Variants in ADCY7 observed in about 807,000 individuals in gnomAD.
The protein encoded by ADCY7 is adenylate cyclase type 7.
A neutral mutation model predicts 120.6 loss-of-function variants in ADCY7; 72 were observed. The observed-to-expected ratio is 0.60, with a 90% confidence interval of 0.49 to 0.73. ADCY7 has a LOEUF of 0.73. ADCY7 is among the 30% of genes least tolerant of loss of function. The pLI, the probability that ADCY7 is intolerant of heterozygous loss-of-function variation, is 0.00. For synonymous variants in ADCY7, 661 were observed against 628.0 expected (o/e 1.05, Z -0.78); for missense variants, 1,227 against 1,486.0 (o/e 0.83, Z 2.87).
intron 1 of ADCY7, among the ~76,000 whole-genome samples, chr16:50,260,860 G>A (rs2033040173): frequency 6.6e-6 from 1 of 152,178 alleles, no homozygotes; most frequent in African/African-American, 2.4e-5. Context: ...AAGCTGAGTG[G>A]AAGCTTCTGA....
chr16:50,279,966 TTAG>T (rs373940541), intron 1 of ADCY7, among the ~76,000 whole-genome samples: 2 of 152,286 alleles, frequency 1.3e-5, no homozygotes, highest in Non-Finnish European at 2.9e-5. Context: ...ATAGAATGAG[TTAG>T]GGAGGAGTCC....
chr16:50,281,832 C>A (rs996440927), intron 1 of ADCY7, among the ~76,000 whole-genome samples: 4 of 152,242 alleles, frequency 2.6e-5, no homozygotes. Context: ...CTGGGCAGAG[C>A]AGCTGCTGGC....
rs140023548 is a variant in ADCY7 at position 50,290,557 on chromosome 16, G to T, written c.272G>T (p.Arg91Leu). The T allele has an allele frequency of 6.2e-7, 1 of 1,614,182 alleles. No homozygotes were observed. Among genetic ancestry groups the T allele is most frequent in the Non-Finnish European group, 8.5e-7 (1 of 1,180,042 alleles). The change falls in exon 3 of 26, where the codon CGC becomes CTC. Residue 91 changes from arginine to leucine, a missense_variant. Arg to Leu is a moderately radical substitution (Grantham distance 102, BLOSUM62 -2). Coordinates refer to ENST00000673801, the MANE Select transcript of ADCY7 (RefSeq NM_001114.5). ...ATGTACGTCGAGTGTCTCCTGCGGCGCTGGCTCAGGGCCTTGGCGCTGCTC... is the reference window on the plus strand; with the variant it reads ...ATGTACGTCGAGTGTCTCCTGCGGCTCTGGCTCAGGGCCTTGGCGCTGCTC... ...VLMYVECLLR[R>L]WLRALALLTW...
intron 1 of ADCY7, among the ~76,000 whole-genome samples, chr16:50,275,802 C>T (rs983560891): frequency 3.9e-5 from 6 of 152,180 alleles, no homozygotes; most frequent in South Asian, 2.1e-4. Context: ...ATCCTAGCTC[C>T]ACTGTTTCCT....
intron 1 of ADCY7, among the ~76,000 whole-genome samples, chr16:50,270,428 T>C (rs1305548354): frequency 1.3e-5 from 2 of 152,098 alleles, no homozygotes; most frequent in African/African-American, 4.8e-5. Context: ...CCCAACAGCG[T>C]GTGAGATGAG....
rs4277338 is a variant in ADCY7 at position 50,282,907 on chromosome 16, C to T, written c.-268-5005C>T. 2.0e-5 allele frequency among the ~76,000 whole-genome samples: 3 copies of T among 151,904 alleles called. 1 individual carries two copies. Among genetic ancestry groups the T allele is most frequent in the South Asian group, 4.2e-4 (2 of 4,810 alleles). ...AAAAAAAATAAACAACTTTTTATAG[C>T]GATGGGGTCTCATTATATTGCCCAG... is the stretch of plus-strand genomic sequence containing the variant. On this transcript the variant is annotated intron_variant, in intron 1 of 25. Coordinates refer to ENST00000673801, the MANE Select transcript of ADCY7 (RefSeq NM_001114.5).
chr16:50,290,708 C>A, intron 3 of ADCY7, 48 bp downstream of exon 3: 1 of 1,578,878 alleles, frequency 6.3e-7, no homozygotes, highest in East Asian at 2.3e-5. Context: ...CAGCAGCTCC[C>A]ATCCCCGTGG....
chr16:50,311,813 CCCAA>C lies in ADCY7; in HGVS notation c.2448+28_2448+31del. On this transcript the variant is annotated intron_variant, in intron 20 of 25. Coordinates refer to ENST00000673801, the MANE Select transcript of ADCY7 (RefSeq NM_001114.5). ...TAAGGAGGCTGGCCCCCCCCCCCCC[CCCAA>C]GCTCTGCCCACTTTTCCTCACCTCC... 3 of 1,314,890 alleles carry C rather than the reference CCCAA, an allele frequency of 2.3e-6. No homozygotes were observed. In the South Asian group the frequency reaches 3.9e-5, roughly 17 times the overall value. 81.5% of individuals were successfully genotyped at this position (1,314,890 alleles called of 1,614,324 possible).
chr16:50,248,547 G>A (rs768146508), intron 1 of ADCY7, among the ~76,000 whole-genome samples: 3 of 152,210 alleles, frequency 2.0e-5, no homozygotes, highest in African/African-American at 2.4e-5. Context: ...GGCAGGGGCC[G>A]TTACTTTTTA....
At chr16:50,249,057 T>C (rs2032675276) in intron 1 of ADCY7, among the ~76,000 whole-genome samples, 1 of 152,214 alleles carries the variant, frequency 6.6e-6, no homozygotes, top group African/African-American at 2.4e-5. Flanking sequence ...CGTAAGAGCC[T>C]GCACCACTCC....
Position 50,314,996 on chromosome 16 carries a change from T to G in ADCY7, c.2972-18T>G. On this transcript the variant is annotated intron_variant, in intron 24 of 25. Coordinates refer to ENST00000673801, the MANE Select transcript of ADCY7 (RefSeq NM_001114.5). Reference sequence around the variant, plus strand: ...GGCTTTGCCTGCACGCTTGGGTAACTGTAAACATCATCTTCAGGCATAAAC... The same window carrying G: ...GGCTTTGCCTGCACGCTTGGGTAACGGTAAACATCATCTTCAGGCATAAAC... The G allele has an allele frequency of 6.2e-7, 1 of 1,613,958 alleles. No homozygotes were observed. The highest frequency in any genetic ancestry group is 8.5e-7 in the Non-Finnish European group (1 of 1,179,926).
chr16:50,299,179 C>T (rs1392546663), intron 8 of ADCY7, 148 bp downstream of exon 8: 8 of 1,071,714 alleles, frequency 7.5e-6, no homozygotes, highest in Non-Finnish European at 1.0e-5. Context: ...GACCACCCAG[C>T]CTGCTGGAGG....
At chr16:50,261,013 A>T (rs991084292) in intron 1 of ADCY7, among the ~76,000 whole-genome samples, 2 of 152,202 alleles carry the variant, frequency 1.3e-5, no homozygotes, top group African/African-American at 4.8e-5. Context: ...TGTGGCAAAG[A>T]TGGCCCCAGT....
At chr16:50,305,750 T>A (rs1415525688) in intron 13 of ADCY7, 27 bp from the exon 14 acceptor site, 5 of 1,606,968 alleles carry the variant, frequency 3.1e-6, no homozygotes, top group East Asian at 2.2e-5. Flanking sequence ...CCAGCCCCCA[T>A]CTCACCGCAG....
intron 1 of ADCY7, among the ~76,000 whole-genome samples, chr16:50,285,438 G>A (rs1018879292): frequency 5.3e-5 from 8 of 152,248 alleles, no homozygotes; most frequent in African/African-American, 1.9e-4. Context: ...GTGGCCCCAG[G>A]GATCTCATAC....
intron 1 of ADCY7, among the ~76,000 whole-genome samples, chr16:50,271,541 C>T (rs1235934076): frequency 1.3e-5 from 2 of 152,172 alleles, no homozygotes; most frequent in Admixed American, 6.5e-5. Context: ...AGAAGGTCCT[C>T]CCTGTTCTAG....
Position 50,291,756 on chromosome 16 carries a change from T to C in ADCY7, c.396T>C (p.Ile132=), listed in dbSNP as rs755749393. 6.2e-7 allele frequency: 1 copy of C among 1,614,120 alleles called. No homozygotes were observed. The highest frequency in any genetic ancestry group is 8.5e-7 in the Non-Finnish European group (1 of 1,180,006). ...CACAGGTGCCCTTCTTCCTGTTCATTGTCTTCGTGGTGTACACACTACTGC... is the reference window on the plus strand; with the variant it reads ...CACAGGTGCCCTTCTTCCTGTTCATCGTCTTCGTGGTGTACACACTACTGC... The part of the protein sequence containing the change: ...AWEQVPFFLF[I]VFVVYTLLPF... Residue 132 remains isoleucine, a synonymous_variant, in exon 4 of 26, where the codon ATT becomes ATC. Transcript: ENST00000673801.
chr16:50,288,210 G>A lies in ADCY7; in HGVS notation c.31G>A (p.Glu11Lys), dbSNP rs1351817893. 3.2e-6 allele frequency: 5 copies of A among 1,551,044 alleles called. No individual in the cohort carries two copies. The highest frequency in any genetic ancestry group is 1.4e-5 in the African/African-American group (1 of 73,146). Residue 11 changes from glutamate to lysine, a missense_variant, in exon 2 of 26, where the codon GAG becomes AAG. Physicochemically the swap from Glu to Lys is moderately conservative, Grantham distance 56 (BLOSUM62 1). Around this residue, in one of 5 missense-constraint regions of ADCY7, gnomAD observed 382 missense variants for 411.4 expected, o/e 0.93. Coordinates refer to ENST00000673801, the MANE Select transcript of ADCY7 (RefSeq NM_001114.5). ...AGCCAAGGGGCGCTACTTCCTCAAC[G>A]AGGGCGAGGAGGGCCCTGACCAAGA... MPAKGRYFLNEGEEGPDQDAL... is the reference protein window; with the variant it reads MPAKGRYFLNKGEEGPDQDAL...
chr16:50,269,365 G>T (rs1021607791), intron 1 of ADCY7, among the ~76,000 whole-genome samples: 3 of 152,248 alleles, frequency 2.0e-5, no homozygotes, highest in Admixed American at 6.5e-5. Flanking sequence ...GAGAACAGGG[G>T]CTCTGGTTGG....
Sources: gnomAD v4.1 joint callset for allele counts (sites outside exome capture counted in the v4.1 genomes callset) on GRCh38, gnomAD v4.1.1 for gene constraint, gnomAD v4.1.1 regional missense constraint, MANE v1.5 for transcripts, NCBI Gene and HGNC (gene_info 2026-07-23, HGNC 2026-07-21) for gene names.